The following KCNQ1 variants were observed in gnomAD, a reference collection of about 807,000 sequenced individuals.
KCNQ1 encodes potassium voltage-gated channel subfamily Q member 1.
Under a neutral mutation model 72.4 loss-of-function variants are expected in KCNQ1, and 49 were observed. The observed-to-expected ratio is 0.68, with a 90% CI of 0.54 to 0.86. KCNQ1 has a LOEUF of 0.86. Among genes scored for constraint, KCNQ1 ranks in the 40% least tolerant of loss-of-function variants. The probability of loss-of-function intolerance (pLI) is 0.00; values close to 1 mark genes in which losing one functional copy is unlikely to be tolerated. For synonymous variants in KCNQ1, 450 were observed against 412.6 expected, an observed-to-expected ratio of 1.09 and a Z score of -1.10; for missense variants, 790 against 945.1, an observed-to-expected ratio of 0.84 and a Z score of 2.15.
At chr11:2,585,176 T>C (rs1399415458) in intron 7 of KCNQ1, 36 bp from the exon 8 acceptor site, 1 of 1,571,076 alleles carries the variant, frequency 6.4e-7, no homozygotes, top group Non-Finnish European at 8.8e-7. Context: ...GGCAGTGGCC[T>C]GTGTGGACGG....
chr11:2,612,601 A>C lies in KCNQ1; in HGVS notation c.1393+23747A>C, dbSNP rs568253928. The C allele has an allele frequency of 1.0e-5, 4 of 398,520 alleles. No homozygotes were observed. Among genetic ancestry groups the C allele is most frequent in the Non-Finnish European group, 1.3e-5 (3 of 226,052 alleles). The allele number at this position is 398,520 out of a possible 1,614,324, so 24.7% of individuals were successfully genotyped here. A position where few individuals can be genotyped will look rare whatever the true frequency, so the allele number is the denominator to read the frequency against. On this transcript the variant is annotated intron_variant, in intron 10 of 15. Transcript: ENST00000155840. The surrounding 1 kb of genome is among the most constrained non-coding windows in gnomAD (Gnocchi z 5.5). ...AATTTCTATTTGGTTTCTAATTTCTATCTCTATATTGATATTATCTATTTG... is the reference window on the plus strand; with the variant it reads ...AATTTCTATTTGGTTTCTAATTTCTCTCTCTATATTGATATTATCTATTTG...
intron 15 of KCNQ1, among the ~76,000 whole-genome samples, chr11:2,789,156 A>G (rs566969629): frequency 6.6e-6 from 1 of 152,262 alleles, no homozygotes; most frequent in Non-Finnish European, 1.5e-5. Flanking sequence ...TTGGAAAGAC[A>G]GTGGACCCAC....
intron 11 of KCNQ1, among the ~76,000 whole-genome samples, chr11:2,707,628 C>T (rs143260555): frequency 5.2e-4 from 79 of 152,328 alleles, no homozygotes; most frequent in Non-Finnish European, 9.1e-4. Flanking sequence ...CTTTGTTTAT[C>T]TCCCAATTAG....
At chr11:2,542,546 A>G (rs1847845000) in intron 2 of KCNQ1, among the ~76,000 whole-genome samples, 1 of 152,242 alleles carries the variant, frequency 6.6e-6, no homozygotes, top group South Asian at 2.1e-4. Flanking sequence ...CAGGACCATC[A>G]CCACAATTGA....
At chr11:2,800,097 T>C (rs1020685661) in intron 15 of KCNQ1, among the ~76,000 whole-genome samples, 6 of 152,182 alleles carry the variant, frequency 3.9e-5, no homozygotes, top group Non-Finnish European at 8.8e-5. Flanking sequence ...TGTGAGCAGA[T>C]GCAGACGTCC....
intron 11 of KCNQ1, chr11:2,675,924 G>A: frequency 5.0e-6 from 2 of 398,660 alleles, no homozygotes; most frequent in Non-Finnish European, 4.4e-6. Context: ...TCATACAACA[G>A]TCTTTACACA....
rs1307183612 is a variant in KCNQ1, at chr11:2,611,196, A to C, written c.1393+22342A>C. ...TCTCTAATAACATGGTTTGTTTTTA[A>C]AGTCTATTTTGTCTGATTTTATTTA... On this transcript the variant is annotated intron_variant, in intron 10 of 15. Transcript: ENST00000155840. The surrounding 1 kb of genome is among the most constrained non-coding windows in gnomAD (Gnocchi z 5.3). 2.5e-6 allele frequency: 1 copy of C among 398,098 alleles called. No individual in the cohort carries two copies. The highest frequency in any genetic ancestry group is 4.4e-6 in the Non-Finnish European group (1 of 225,962). The allele number at this position is 398,098 out of a possible 1,614,324, so 24.7% of individuals were successfully genotyped here. A position where few individuals can be genotyped will look rare whatever the true frequency, so the allele number is the denominator to read the frequency against.
chr11:2,729,504 G>T (rs1285486389), intron 11 of KCNQ1, among the ~76,000 whole-genome samples: 1 of 152,258 alleles, frequency 6.6e-6, no homozygotes, highest in Non-Finnish European at 1.5e-5. Flanking sequence ...ACCAATGGGA[G>T]ACGTATAAGG....
Position 2,521,037 on chromosome 11 carries a change from T to TG in KCNQ1, c.387-6891_387-6890insG, listed in dbSNP as rs1847373838. On this transcript the variant is annotated intron_variant, in intron 1 of 15. Coordinates refer to ENST00000155840, the MANE Select transcript of KCNQ1 (RefSeq NM_000218.3). Reference sequence around the variant, plus strand: ...TGCTTGCTCTATGAATGTTGTTTGCTTTAAAAAAAGTTTTTTTTTTATTGT... The same window carrying TG: ...TGCTTGCTCTATGAATGTTGTTTGCTGTTAAAAAAAGTTTTTTTTTTATTGT... 3.3e-5 allele frequency among the ~76,000 whole-genome samples: 5 copies of TG among 151,926 alleles called. No individual in the cohort carries two copies. The South Asian group carries it at 6.2e-4, about 19-fold the overall frequency.
In KCNQ1 at chr11:2,698,314, A is replaced by T; in HGVS notation, c.1514+36233A>T. 5.0e-6 allele frequency: 2 copies of T among 398,656 alleles called. No homozygotes were observed. The highest frequency in any genetic ancestry group is 8.8e-6 in the Non-Finnish European group (2 of 226,068). The allele number at this position is 398,656 out of a possible 1,614,324, so 24.7% of individuals were successfully genotyped here. A position where few individuals can be genotyped will look rare whatever the true frequency, so the allele number is the denominator to read the frequency against. On this transcript the variant is annotated intron_variant, in intron 11 of 15. Coordinates refer to ENST00000155840, the MANE Select transcript of KCNQ1 (RefSeq NM_000218.3). This position sits in a 1 kb window ranked among gnomAD's most constrained non-coding sequence, Gnocchi z 5.1. The stretch of plus-strand genomic sequence containing the variant: ...ATGAATTATTCTCTTTCATAACCAG[A>T]ACAGTGCTGTGGGAAGGCACTCTTA...
chr11:2,594,287 C>T (rs1336364299), intron 10 of KCNQ1, among the ~76,000 whole-genome samples: 2 of 152,196 alleles, frequency 1.3e-5, no homozygotes, highest in Non-Finnish European at 2.9e-5. Context: ...TGTGGGTCAT[C>T]AGGCTAATTG....
chr11:2,587,520 C>T, intron 8 of KCNQ1, 50 bp from the exon 9 acceptor site: 2 of 1,612,136 alleles, frequency 1.2e-6, no homozygotes, highest in Non-Finnish European at 1.7e-6. Context: ...CATAAGGGCC[C>T]CCGCCGGGTG....
intron 10 of KCNQ1, chr11:2,644,051 C>A: frequency 2.5e-6 from 1 of 398,504 alleles, no homozygotes; most frequent in Non-Finnish European, 4.4e-6. Flanking sequence ...TTGGGATGGG[C>A]AATTTGCTAT....
At chr11:2,662,589 G>C (rs371913401) in intron 11 of KCNQ1, 1 of 417,374 alleles carries the variant, frequency 2.4e-6, no homozygotes, top group African/African-American at 2.0e-5. Flanking sequence ...ATGCATGCCC[G>C]TCCTCCCCCG....
At chr11:2,758,996 C>A (rs1036996213) in intron 11 of KCNQ1, among the ~76,000 whole-genome samples, 3 of 152,218 alleles carry the variant, frequency 2.0e-5, no homozygotes, top group Admixed American at 6.5e-5. Flanking sequence ...GAACACAAGG[C>A]AGAGCCACGC....
rs1201001474 is a variant in KCNQ1, at chr11:2,544,465, G to T, written c.477+16447G>T. Among the ~76,000 whole-genome samples, 1 of 149,500 alleles carries T rather than the reference G, an allele frequency of 6.7e-6. No individual in the cohort carries two copies. Among genetic ancestry groups the T allele is most frequent in the Non-Finnish European group, 1.5e-5 (1 of 67,462 alleles). ...TATATGGTTATATATCTCTTATAAG[G>T]GTTATATATCTCATATACATATGAG... On this transcript the variant is annotated intron_variant, in intron 2 of 15. Coordinates refer to ENST00000155840, the MANE Select transcript of KCNQ1 (RefSeq NM_000218.3). The surrounding 1 kb of genome is among the most constrained non-coding windows in gnomAD (Gnocchi z 4.4).
Position 2,767,416 on chromosome 11 carries a change from A to G in KCNQ1, c.1515-1428A>G, listed in dbSNP as rs1846519149. On this transcript the variant is annotated intron_variant, in intron 11 of 15. Coordinates refer to ENST00000155840, the MANE Select transcript of KCNQ1 (RefSeq NM_000218.3). The surrounding 1 kb of genome is among the most constrained non-coding windows in gnomAD (Gnocchi z 4.6). ...GGTGACCCCAAATTCAAGTAATAGG[A>G]AAACAGACTCCATCTCTTAATGGAA... 6.6e-6 allele frequency among the ~76,000 whole-genome samples: 1 copy of G among 152,212 alleles called. No homozygotes were observed. The highest frequency in any genetic ancestry group is 2.1e-4 in the South Asian group (1 of 4,832).
At chr11:2,737,568 AG>A (rs1165019533) in intron 11 of KCNQ1, among the ~76,000 whole-genome samples, 1 of 152,218 alleles carries the variant, frequency 6.6e-6, no homozygotes, top group Non-Finnish European at 1.5e-5. Context: ...TGAAAATAAA[AG>A]TCTCCTAATT....
rs1370513705 is a variant in KCNQ1 at position 2,826,451 on chromosome 11, C to T, written c.1795-21316C>T. Among the ~76,000 whole-genome samples the T allele has an allele frequency of 1.6e-4, 25 of 152,250 alleles. No individual in the cohort carries two copies. Among genetic ancestry groups the T allele is most frequent in the Admixed American group, 1.6e-3 (24 of 15,290 alleles). On this transcript the variant is annotated intron_variant, in intron 15 of 15. Coordinates refer to ENST00000155840, the MANE Select transcript of KCNQ1 (RefSeq NM_000218.3). This position sits in a 1 kb window ranked among gnomAD's most constrained non-coding sequence, Gnocchi z 4.2. ...GCTGATGGAAACCGCCGTGCGGTTC[C>T]GCGCAGACAGTCACGGAAACTCAGG...
Sources: allele counts gnomAD v4.1 joint callset (sites outside exome capture counted in the v4.1 genomes callset), GRCh38; gene constraint gnomAD v4.1.1; non-coding constraint Gnocchi (gnomAD v3.1); transcripts MANE v1.5; gene names NCBI Gene and HGNC (gene_info 2026-07-23, HGNC 2026-07-21).